Variants in COL7A1 observed in about 807,000 individuals in gnomAD.
COL7A1 encodes collagen alpha-1(VII) chain.
In COL7A1, 296 loss-of-function variants were observed where a neutral mutation model predicts 456.2. That is an observed-to-expected ratio of 0.65 (90% CI 0.59 to 0.71). The LOEUF is 0.71. COL7A1 is among the 30% of genes least tolerant of loss of function. The pLI is 0.00. For missense variants in COL7A1, 3,441 were observed against 4,017.2 expected, an observed-to-expected ratio of 0.86 and a Z score of 3.88; for synonymous variants, 1,464 against 1,525.9, an observed-to-expected ratio of 0.96 and a Z score of 0.95.
Position 48,586,389 on chromosome 3 carries a change from C to T in COL7A1, c.3493G>A (p.Val1165Met), listed in dbSNP as rs772025019. Residue 1165 changes from valine to methionine, a missense_variant, in exon 27 of 119, where the codon GTG becomes ATG. Physicochemically the swap from Val to Met is conservative, Grantham distance 21. This residue lies in a region of COL7A1 where 2,084 missense variants were observed against 2,501.3 expected (regional missense o/e 0.83). Transcript: ENST00000681320. This position sits in a 1 kb window ranked among gnomAD's most constrained non-coding sequence, Gnocchi z 5.1. ...QHVPGVMVLLVDEPLRGDIFS... is the reference protein window; with the variant it reads ...QHVPGVMVLLMDEPLRGDIFS... The stretch of plus-strand genomic sequence containing the variant: ...ATGTCACCTCTCAAGGGTTCATCCA[C>T]TAGCAGAACCATCACCCCTGGTACG... The T allele has an allele frequency of 6.2e-7, 1 of 1,613,810 alleles. No individual in the cohort carries two copies. Among genetic ancestry groups the T allele is most frequent in the Non-Finnish European group, 8.5e-7 (1 of 1,180,006 alleles).
At position 48,585,434 on chromosome 3, in the gene COL7A1, C is replaced by A. The variant is rs1327206751; in HGVS notation, c.3894+123G>T. On this transcript the variant is annotated intron_variant, in intron 32 of 118. Transcript: ENST00000681320. This position sits in a 1 kb window ranked among gnomAD's most constrained non-coding sequence, Gnocchi z 4.5. ...CCAAAGTCTCTGTGGTGGTTTATAACCTCCAGCTGGGCTTCTAGGAATTCC... is the reference window on the plus strand; with the variant it reads ...CCAAAGTCTCTGTGGTGGTTTATAAACTCCAGCTGGGCTTCTAGGAATTCC... The A allele has an allele frequency of 3.4e-6, 4 of 1,191,918 alleles. No homozygotes were observed. Among genetic ancestry groups the A allele is most frequent in the East Asian group, 4.7e-5 (2 of 42,902 alleles). The allele number at this position is 1,191,918 out of a possible 1,614,324, so 73.8% of individuals were successfully genotyped here.
Position 48,588,946 on chromosome 3 carries a change from G to T in COL7A1, c.2364C>A (p.Ser788=), listed in dbSNP as rs746482030. 2.5e-6 allele frequency: 4 copies of T among 1,613,624 alleles called. No individual in the cohort carries two copies. The highest frequency in any genetic ancestry group is 3.4e-6 in the Non-Finnish European group (4 of 1,180,038). The change falls in exon 19 of 119, where the codon TCC becomes TCA. Residue 788 remains serine, a synonymous_variant. Transcript: ENST00000681320. The surrounding 1 kb of genome is among the most constrained non-coding windows in gnomAD (Gnocchi z 4.6). ...RVSRLQILNA[S]SDVLRITWVG... ...CCCAGGTGATCCGTAGAACGTCGCT[G>T]GAAGCATTGAGGATCTGCAGCCTCG...
chr3:48,567,155 C>G lies in COL7A1; in HGVS notation c.8082G>C (p.Lys2694Asn), dbSNP rs755638917. The change falls in exon 110 of 119, where the codon AAG becomes AAC. Residue 2694 changes from lysine to asparagine, a missense_variant. Around this residue, in one of 3 missense-constraint regions of COL7A1, gnomAD observed 2,084 missense variants for 2,501.3 expected, o/e 0.83. Coordinates refer to ENST00000681320, the MANE Select transcript of COL7A1 (RefSeq NM_000094.4). The surrounding 1 kb of genome is among the most constrained non-coding windows in gnomAD (Gnocchi z 4.3). Reference protein sequence around the residue: ...DRGFDGQPGPKGDQGEKGERG... With the variant: ...DRGFDGQPGPNGDQGEKGERG... ...GCTCCCCTTTCTCGCCCTGGTCACC[C>G]TTGGGGCCTGGCTGCCCGTCAAAGC... 1 of 1,614,012 alleles carries G rather than the reference C, an allele frequency of 6.2e-7. No individual in the cohort carries two copies. Among genetic ancestry groups the G allele is most frequent in the South Asian group, 1.1e-5 (1 of 91,076 alleles).
rs2107710568 is a variant in COL7A1, at chr3:48,581,166, C to A, written c.4900-9G>T. ...TTCTCTCCAACTTCACCCTGTGAAA[C>A]ATGAGAGTCAGCCCTGGTTCCAAGA... On this transcript the variant is annotated splice_polypyrimidine_tract_variant and intron_variant, in intron 52 of 118. Transcript: ENST00000681320. This position sits in a 1 kb window ranked among gnomAD's most constrained non-coding sequence, Gnocchi z 5.8. 1 of 1,613,850 alleles carries A rather than the reference C, an allele frequency of 6.2e-7. No homozygotes were observed.
In COL7A1 at chr3:48,579,368, C is replaced by T. The variant is rs2107697936; in HGVS notation, c.5307+1G>A. The T allele has an allele frequency of 6.2e-7, 1 of 1,614,180 alleles. No individual in the cohort carries two copies. Among genetic ancestry groups the T allele is most frequent in the Non-Finnish European group, 8.5e-7 (1 of 1,180,032 alleles). On this transcript the variant is annotated splice_donor_variant, in intron 61 of 118. Coordinates refer to ENST00000681320, the MANE Select transcript of COL7A1 (RefSeq NM_000094.4). LOFTEE classifies it high-confidence loss of function. The surrounding 1 kb of genome is among the most constrained non-coding windows in gnomAD (Gnocchi z 4.4). ...CCTGAGAAACCCCCACACCCTCTCA[C>T]CTTTTCTCCTGCTGGGCCTCGGACA...
Position 48,568,191 on chromosome 3 carries a change from G to T in COL7A1, c.7795-21C>A. On this transcript the variant is annotated intron_variant, in intron 105 of 118. Transcript: ENST00000681320. This position sits in a 1 kb window ranked among gnomAD's most constrained non-coding sequence, Gnocchi z 5.2. ...GATCCCTAGCAGGGAGAGGGTCCAT[G>T]TGAGGTCAGAGGAGGTCAGTGAGGG... 1 of 1,610,824 alleles carries T rather than the reference G, an allele frequency of 6.2e-7. No homozygotes were observed. The highest frequency in any genetic ancestry group is 2.2e-5 in the East Asian group (1 of 44,876).
Position 48,573,337 on chromosome 3 carries a change from T to C in COL7A1, c.6630A>G (p.Gly2210=), listed in dbSNP as rs1199293130. 6.2e-7 allele frequency: 1 copy of C among 1,613,950 alleles called. No individual in the cohort carries two copies. Among genetic ancestry groups the C allele is most frequent in the Non-Finnish European group, 8.5e-7 (1 of 1,179,982 alleles). ...TCACCCGTCCTGGAGGTCCTGTCTCTCCAGGCTCCCCCTGCAAACAACCCA... is the reference window on the plus strand; with the variant it reads ...TCACCCGTCCTGGAGGTCCTGTCTCCCCAGGCTCCCCCTGCAAACAACCCA... ...QGPSGLKGEP[G]ETGPPGRGLT... Residue 2210 remains glycine, a synonymous_variant, in exon 84 of 119, where the codon GGA becomes GGG. Transcript: ENST00000681320. This position sits in a 1 kb window ranked among gnomAD's most constrained non-coding sequence, Gnocchi z 5.5.
rs993064715 is a variant in COL7A1, at chr3:48,590,930, G to C, written c.1637-114C>G. ...GAAGGGCCATGGGGGTGGGGATGTGGGGTGGTGGGGACCAGAGAGCTGGGA... is the reference window on the plus strand; with the variant it reads ...GAAGGGCCATGGGGGTGGGGATGTGCGGTGGTGGGGACCAGAGAGCTGGGA... On this transcript the variant is annotated intron_variant, in intron 13 of 118. Transcript: ENST00000681320. The surrounding 1 kb of genome is among the most constrained non-coding windows in gnomAD (Gnocchi z 4.6). The C allele has an allele frequency of 1.8e-6, 2 of 1,134,656 alleles. No individual in the cohort carries two copies. The highest frequency in any genetic ancestry group is 2.6e-6 in the Non-Finnish European group (2 of 776,756). 70.3% of individuals were successfully genotyped at this position (1,134,656 alleles called of 1,614,324 possible).
rs755301783 is a variant in COL7A1 at position 48,591,601 on chromosome 3, G to C, written c.1508-9C>G. Reference sequence around the variant, plus strand: ...CACAGGCAGCTCTGGTCCTGTTGGAGAGCACAGCATAGAGGCAGCCTGGGG... The same window carrying C: ...CACAGGCAGCTCTGGTCCTGTTGGACAGCACAGCATAGAGGCAGCCTGGGG... On this transcript the variant is annotated splice_polypyrimidine_tract_variant and intron_variant, in intron 12 of 118. Coordinates refer to ENST00000681320, the MANE Select transcript of COL7A1 (RefSeq NM_000094.4). The surrounding 1 kb of genome is among the most constrained non-coding windows in gnomAD (Gnocchi z 7.0). 3.7e-6 allele frequency: 6 copies of C among 1,613,578 alleles called. No homozygotes were observed. Among genetic ancestry groups the C allele is most frequent in the Non-Finnish European group, 5.1e-6 (6 of 1,179,990 alleles).
At position 48,569,144 on chromosome 3, in the gene COL7A1, C is replaced by T. The variant is rs911209426; in HGVS notation, c.7686+231G>A. 2.0e-5 allele frequency among the ~76,000 whole-genome samples: 3 copies of T among 152,178 alleles called. No homozygotes were observed. The highest frequency in any genetic ancestry group is 3.4e-3 in the Middle Eastern group (1 of 294). ...ACACCCAAGGAGCCCCTTTCCTGTC[C>T]CTATAGGGCCCCTTCATAGGGCCAG... On this transcript the variant is annotated intron_variant, in intron 103 of 118. Transcript: ENST00000681320. This position sits in a 1 kb window ranked among gnomAD's most constrained non-coding sequence, Gnocchi z 4.9.
In COL7A1 at chr3:48,587,470, C is replaced by G. The variant is rs369883229; in HGVS notation, c.2942G>C (p.Arg981Thr). The G allele has an allele frequency of 2.5e-6, 4 of 1,613,186 alleles. No individual in the cohort carries two copies. The highest frequency in any genetic ancestry group is 3.4e-6 in the Non-Finnish European group (4 of 1,180,050). The change falls in exon 23 of 119, where the codon AGG becomes ACG. Residue 981 changes from arginine (R) to threonine (T), a missense_variant. By Grantham distance (71) the Arg-to-Thr change is moderately conservative. Transcript: ENST00000681320. This position sits in a 1 kb window ranked among gnomAD's most constrained non-coding sequence, Gnocchi z 6.1. ...SVTLAWTPVS[R>T]ASSYILSWRP... The stretch of plus-strand genomic sequence containing the variant: ...CCAGGATAGGATGTAGCTGGATGCC[C>G]TGGACACTGGAGTCCAGGCCAAAGT...
At position 48,587,056 on chromosome 3, in the gene COL7A1, GT is replaced by G; in HGVS notation, c.3191del (p.Asp1064AlafsTer45). Reference protein sequence around the residue: ...DVVFLPHATQDNAHRAEATRR... With the variant: ...DVVFLPHATQXNAHRAEATRR... ...TCGTAGCCTCCGCACGGTGAGCATT[GT>G]CTTGAGTGGCATGTGGTAGGAACAC... On this transcript the variant is annotated frameshift_variant, in exon 25 of 119. Transcript: ENST00000681320. LOFTEE classifies it high-confidence loss of function. The surrounding 1 kb of genome is among the most constrained non-coding windows in gnomAD (Gnocchi z 6.1). 1 of 1,610,234 alleles carries G rather than the reference GT, an allele frequency of 6.2e-7. No individual in the cohort carries two copies. Among genetic ancestry groups the G allele is most frequent in the Non-Finnish European group, 8.5e-7 (1 of 1,178,312 alleles).
rs2045424148 is a variant in COL7A1 at position 48,588,234 on chromosome 3, A to G, written c.2710+48T>C. The stretch of plus-strand genomic sequence containing the variant: ...TCGCCTACCTTGCGGAGTCTGCCAC[A>G]GCCCTGCCCCCAATGGTCCCTAACT... On this transcript the variant is annotated intron_variant, in intron 21 of 118. Transcript: ENST00000681320. This position sits in a 1 kb window ranked among gnomAD's most constrained non-coding sequence, Gnocchi z 4.6. 1 of 1,612,592 alleles carries G rather than the reference A, an allele frequency of 6.2e-7. No individual in the cohort carries two copies. The highest frequency in any genetic ancestry group is 2.2e-5 in the East Asian group (1 of 44,864).
In COL7A1 at chr3:48,580,696, GCAGGTGCCCCTATGACCCGCTA is replaced by G. The variant is rs1455632055; in HGVS notation, c.4981-66_4981-45del. The G allele has an allele frequency of 6.2e-7, 1 of 1,607,208 alleles. No individual in the cohort carries two copies. The highest frequency in any genetic ancestry group is 2.2e-5 in the East Asian group (1 of 44,806). ...CTGAGACAGACCCTCCCAATATTTT[GCAGGTGCCCCTATGACCCGCTA>G]CACTGCCCCAGGTTCCCCATTACTC... On this transcript the variant is annotated intron_variant, in intron 54 of 118. Coordinates refer to ENST00000681320, the MANE Select transcript of COL7A1 (RefSeq NM_000094.4). The surrounding 1 kb of genome is among the most constrained non-coding windows in gnomAD (Gnocchi z 4.5).
In COL7A1 at chr3:48,594,063, C is replaced by T. The variant is rs2045899039; in HGVS notation, c.266+305G>A. Reference sequence around the variant, plus strand: ...GGCTGCAAGGGTTAGAGGGCTAGAACGTGGAGAATCCAACAGGCGTGGGGG... The same window carrying T: ...GGCTGCAAGGGTTAGAGGGCTAGAATGTGGAGAATCCAACAGGCGTGGGGG... On this transcript the variant is annotated intron_variant, in intron 3 of 118. Coordinates refer to ENST00000681320, the MANE Select transcript of COL7A1 (RefSeq NM_000094.4). The surrounding 1 kb of genome is among the most constrained non-coding windows in gnomAD (Gnocchi z 5.5). Among the ~76,000 whole-genome samples, 1 of 152,236 alleles carries T rather than the reference C, an allele frequency of 6.6e-6. No homozygotes were observed. Among genetic ancestry groups the T allele is most frequent in the African/African-American group, 2.4e-5 (1 of 41,466 alleles).
Position 48,592,452 on chromosome 3 carries a change from G to C in COL7A1, c.992C>G (p.Pro331Arg). Residue 331 changes from proline (P) to arginine (R), a missense_variant, in exon 9 of 119, where the codon CCG (proline) becomes CGG (arginine). Physicochemically the swap from Pro to Arg is moderately radical, Grantham distance 103. Coordinates refer to ENST00000681320, the MANE Select transcript of COL7A1 (RefSeq NM_000094.4). This position sits in a 1 kb window ranked among gnomAD's most constrained non-coding sequence, Gnocchi z 7.6. The part of the protein sequence containing the change: ...GTARTTALEG[P>R]ELTIQNTTAH... ...TGTGGTATTCTGGATGGTCAGTTCC[G>C]GCCCTTCTAGGGCAGCTGGGGGAGA... 6.2e-7 allele frequency: 1 copy of C among 1,613,660 alleles called. No homozygotes were observed. The highest frequency in any genetic ancestry group is 8.5e-7 in the Non-Finnish European group (1 of 1,180,030).
Position 48,589,619 on chromosome 3 carries a change from AC to A in COL7A1, c.2149del (p.Val717PhefsTer37). On this transcript the variant is annotated frameshift_variant, in exon 17 of 119. Coordinates refer to ENST00000681320, the MANE Select transcript of COL7A1 (RefSeq NM_000094.4). LOFTEE classifies it high-confidence loss of function. The part of the protein sequence containing the change: ...TRVPGATGYR[V>X]SWHSAHGPEK... ...CCCACCGTGGGCTGAGTGCCAGGAAACCCTGTATCCTGTGGCGCCAGGAACC... is the reference window on the plus strand; with the variant it reads ...CCCACCGTGGGCTGAGTGCCAGGAAACCTGTATCCTGTGGCGCCAGGAACC... 6.2e-7 allele frequency: 1 copy of A among 1,613,706 alleles called. No individual in the cohort carries two copies. The highest frequency in any genetic ancestry group is 8.5e-7 in the Non-Finnish European group (1 of 1,179,936).
At position 48,567,137 on chromosome 3, in the gene COL7A1, T is replaced by G. The variant is rs2043643122; in HGVS notation, c.8100A>C (p.Lys2700Asn). The G allele has an allele frequency of 6.2e-7, 1 of 1,613,938 alleles. No individual in the cohort carries two copies. Among genetic ancestry groups the G allele is most frequent in the Non-Finnish European group, 8.5e-7 (1 of 1,179,940 alleles). The change falls in exon 110 of 119, where the codon AAA becomes AAC. Residue 2700 changes from lysine to asparagine, a missense_variant. Lys to Asn is a moderately conservative substitution (Grantham distance 94). This residue lies in a region of COL7A1 where 2,084 missense variants were observed against 2,501.3 expected (regional missense o/e 0.83). Coordinates refer to ENST00000681320, the MANE Select transcript of COL7A1 (RefSeq NM_000094.4). The surrounding 1 kb of genome is among the most constrained non-coding windows in gnomAD (Gnocchi z 4.3). ...CATGGCTTCAACTCACCCGCTCCCCTTTCTCGCCCTGGTCACCCTTGGGGC... is the reference window on the plus strand; with the variant it reads ...CATGGCTTCAACTCACCCGCTCCCCGTTCTCGCCCTGGTCACCCTTGGGGC... Reference protein sequence around the residue: ...QPGPKGDQGEKGERGTPGIGG... With the variant: ...QPGPKGDQGENGERGTPGIGG...
rs2044700799 is a variant in COL7A1 at position 48,580,840 on chromosome 3, C to T, written c.4980+42G>A. On this transcript the variant is annotated intron_variant, in intron 54 of 118. Coordinates refer to ENST00000681320, the MANE Select transcript of COL7A1 (RefSeq NM_000094.4). This position sits in a 1 kb window ranked among gnomAD's most constrained non-coding sequence, Gnocchi z 4.5. ...CAGCCTTTCCTATCACCTTCATGCCCACCTCCCATCACCCCTGTTACTTCT... is the reference window on the plus strand; with the variant it reads ...CAGCCTTTCCTATCACCTTCATGCCTACCTCCCATCACCCCTGTTACTTCT... 6.2e-7 allele frequency: 1 copy of T among 1,612,994 alleles called. No homozygotes were observed. The highest frequency in any genetic ancestry group is 1.7e-5 in the Admixed American group (1 of 59,998).
Sources: gnomAD v4.1 joint callset for allele counts (sites outside exome capture counted in the v4.1 genomes callset) on GRCh38, gnomAD v4.1.1 for gene constraint, gnomAD v4.1.1 regional missense constraint, Gnocchi (gnomAD v3.1) non-coding constraint, MANE v1.5 for transcripts, NCBI Gene and HGNC (gene_info 2026-07-23, HGNC 2026-07-21) for gene names.